The following BFSP2 variants were observed in gnomAD, a reference collection of about 807,000 sequenced individuals.
The protein encoded by BFSP2 is beaded filament structural protein 2, also known as phakinin.
Under a neutral mutation model 44.9 loss-of-function variants are expected in BFSP2, and 38 were observed. That is an observed-to-expected ratio of 0.85 (90% CI 0.65 to 1.11). The LOEUF (loss-of-function observed/expected upper bound fraction) is 1.11, where lower values mean the gene tolerates loss of function less well. Among genes scored for constraint, BFSP2 ranks in the 50% least tolerant of loss-of-function variants. The probability of loss-of-function intolerance (pLI) is 0.00; values close to 1 mark genes in which losing one functional copy is unlikely to be tolerated. For synonymous variants in BFSP2, 197 were observed against 209.9 expected, an observed-to-expected ratio of 0.94 and a Z score of 0.53; for missense variants, 525 against 533.0, an observed-to-expected ratio of 0.99 and a Z score of 0.15.
intron 4 of BFSP2, among the ~76,000 whole-genome samples, chr3:133,456,974 C>T (rs559860502): frequency 6.6e-6 from 1 of 152,006 alleles, no homozygotes; most frequent in African/African-American, 2.4e-5. Flanking sequence ...GCTACTCTGT[C>T]TAGACTTTTT....
chr3:133,408,766 C>G (rs1459848055), intron 1 of BFSP2, among the ~76,000 whole-genome samples: 1 of 151,512 alleles, frequency 6.6e-6, no homozygotes, highest in African/African-American at 2.4e-5. Flanking sequence ...TTCATTCTAC[C>G]ATCTAGCTAA....
intron 1 of BFSP2, chr3:133,412,233 G>C (rs377264964): frequency 5.3e-5 from 8 of 152,142 alleles, no homozygotes; most frequent in Non-Finnish European, 1.2e-4. Context: ...ATATATGGGG[G>C]TCCACTATAA....
intron 1 of BFSP2, among the ~76,000 whole-genome samples, chr3:133,418,612 C>T (rs2073566254): frequency 6.6e-6 from 1 of 152,126 alleles, no homozygotes; most frequent in Admixed American, 6.5e-5. Flanking sequence ...CCAGCCACCC[C>T]CCGGAATGGG....
At chr3:133,441,100 C>T (rs1293890681) in intron 1 of BFSP2, among the ~76,000 whole-genome samples, 1 of 145,116 alleles carries the variant, frequency 6.9e-6, no homozygotes, top group Non-Finnish European at 1.5e-5. Flanking sequence ...AGTGCAATGG[C>T]GCCATCTCGG....
In BFSP2 at chr3:133,443,471, T is replaced by C. The variant is rs561417391; in HGVS notation, c.490-3846T>C. ...TAATAAGAAAGAATGGTCAATGAAG[T>C]AGGAGGAAGTCCAGAGAGAGTGGTG... On this transcript the variant is annotated intron_variant, in intron 1 of 6. Transcript: ENST00000302334. 3.3e-5 allele frequency among the ~76,000 whole-genome samples: 5 copies of C among 152,146 alleles called. No individual in the cohort carries two copies. In the South Asian group the frequency reaches 6.2e-4, roughly 19 times the overall value.
chr3:133,472,187 C>G (rs2074168443), intron 5 of BFSP2, among the ~76,000 whole-genome samples, 158 bp from the exon 6 acceptor site: 1 of 152,170 alleles, frequency 6.6e-6, no homozygotes, highest in Non-Finnish European at 1.5e-5. Context: ...CACGGAGCCA[C>G]TAAGAATAAC....
chr3:133,401,642 G>A (rs2073363415), intron 1 of BFSP2, among the ~76,000 whole-genome samples: 1 of 152,110 alleles, frequency 6.6e-6, no homozygotes, highest in African/African-American at 2.4e-5. Flanking sequence ...GTGGATAGCT[G>A]GCTTCACCTC....
At chr3:133,413,965 G>T (rs2073479911) in intron 1 of BFSP2, among the ~76,000 whole-genome samples, 1 of 151,420 alleles carries the variant, frequency 6.6e-6, no homozygotes, top group Admixed American at 6.6e-5. Context: ...GAATGTAACT[G>T]CCCACGCCTG....
chr3:133,457,757 G>T (rs932885647), intron 4 of BFSP2, among the ~76,000 whole-genome samples: 1 of 152,140 alleles, frequency 6.6e-6, no homozygotes, highest in Non-Finnish European at 1.5e-5. Context: ...CACTACACAA[G>T]TGGAGTTCAA....
intron 1 of BFSP2, among the ~76,000 whole-genome samples, chr3:133,423,270 G>C (rs75703566): frequency 1.3e-5 from 2 of 152,124 alleles, no homozygotes; most frequent in Admixed American, 6.5e-5. Context: ...TCAAACTCTG[G>C]TTTTGCCATT....
In BFSP2 at chr3:133,450,450, C is replaced by T; in HGVS notation, c.877C>T (p.Leu293=). The T allele has an allele frequency of 1.1e-5, 18 of 1,614,006 alleles. No homozygotes were observed. The highest frequency in any genetic ancestry group is 1.4e-5 in the Non-Finnish European group (17 of 1,179,992). Residue 293 remains leucine (L), a synonymous_variant, in exon 4 of 7, where the codon CTG becomes TTG. Transcript: ENST00000302334. ...AAAGAACCGGGTGGAGGCAGGAGCC[C>T]TGCTCCAAGCTAAGGTGAGAGGCAG... ...VEKNRVEAGA[L]LQAKQQAEVA...
At chr3:133,435,310 GC>G (rs2073770350) in intron 1 of BFSP2, among the ~76,000 whole-genome samples, 1 of 151,904 alleles carries the variant, frequency 6.6e-6, no homozygotes, top group Admixed American at 6.6e-5. Flanking sequence ...GTCATTTTTT[GC>G]CCTCCAGAAA....
Position 133,450,419 on chromosome 3 carries a change from T to C in BFSP2, c.846T>C (p.Asp282=). The C allele has an allele frequency of 6.2e-7, 1 of 1,614,066 alleles. No individual in the cohort carries two copies. Among genetic ancestry groups the C allele is most frequent in the Non-Finnish European group, 8.5e-7 (1 of 1,179,992 alleles). ...LETIRIQWER[D]VEKNRVEAGA... is the part of the protein sequence containing the mutation. Reference sequence around the variant, plus strand: ...CGATCAGAATTCAGTGGGAGAGAGATGTTGAAAAGAACCGGGTGGAGGCAG... The same window carrying C: ...CGATCAGAATTCAGTGGGAGAGAGACGTTGAAAAGAACCGGGTGGAGGCAG... Residue 282 remains aspartate, a synonymous_variant, in exon 4 of 7, where the codon GAT becomes GAC. Transcript: ENST00000302334.
chr3:133,400,407 T>G lies in BFSP2; in HGVS notation c.324T>G (p.Val108=), dbSNP rs1177985722. ...APGLERDHGA[V]EDLGGCLVEY... is the part of the protein sequence containing the mutation. The stretch of plus-strand genomic sequence containing the variant: ...GTTTGGAGAGGGACCATGGTGCTGT[T>G]GAGGACCTAGGGGGCTGCCTGGTGG... The change falls in exon 1 of 7, where the codon GTT becomes GTG. Residue 108 remains valine, a synonymous_variant. Coordinates refer to ENST00000302334, the MANE Select transcript of BFSP2 (RefSeq NM_003571.4). The surrounding 1 kb of genome is among the most constrained non-coding windows in gnomAD (Gnocchi z 4.0). The G allele has an allele frequency of 1.2e-6, 2 of 1,614,058 alleles. No homozygotes were observed. Among genetic ancestry groups the G allele is most frequent in the Non-Finnish European group, 1.7e-6 (2 of 1,180,030 alleles).
chr3:133,416,269 A>C (rs1467904426), intron 1 of BFSP2, among the ~76,000 whole-genome samples: 7 of 84,902 alleles, frequency 8.2e-5, no homozygotes, highest in African/African-American at 1.1e-4. Context: ...TCTCTCCTCT[A>C]CTCACCCCTG....
intron 6 of BFSP2, among the ~76,000 whole-genome samples, chr3:133,472,957 T>C (rs2074179755): frequency 6.6e-6 from 1 of 151,982 alleles, no homozygotes; most frequent in African/African-American, 2.4e-5. Flanking sequence ...GCATCTTTTT[T>C]TTTTTTTTGG....
intron 1 of BFSP2, among the ~76,000 whole-genome samples, chr3:133,424,232 T>G (rs1382887138): frequency 0.74 from 98,405 of 133,630 alleles, 34,538 homozygotes; most frequent in East Asian, 0.82. Flanking sequence ...TTTTTTTTTT[T>G]TTTTTTTTTG....
chr3:133,456,435 C>T (rs1030883750), intron 4 of BFSP2, among the ~76,000 whole-genome samples: 1 of 152,110 alleles, frequency 6.6e-6, no homozygotes. Flanking sequence ...TGCAGCAATC[C>T]GGTATGGTAG....
At chr3:133,456,874 G>C (rs968724673) in intron 4 of BFSP2, among the ~76,000 whole-genome samples, 8 of 152,142 alleles carry the variant, frequency 5.3e-5, no homozygotes, top group African/African-American at 1.9e-4. Flanking sequence ...ATTTACCCAC[G>C]AGGAGAATAG....
Sources: allele counts gnomAD v4.1 joint callset (sites outside exome capture counted in the v4.1 genomes callset), GRCh38; gene constraint gnomAD v4.1.1; non-coding constraint Gnocchi (gnomAD v3.1); transcripts MANE v1.5; gene names NCBI Gene and HGNC (gene_info 2026-07-23, HGNC 2026-07-21).